The following RBMS2 variants were observed in gnomAD, a reference collection of about 807,000 sequenced individuals.
RBMS2 encodes the protein RNA binding motif single stranded interacting protein 2.
Under a neutral mutation model 58.4 loss-of-function variants are expected in RBMS2, and 38 were observed. The observed-to-expected ratio is 0.65, with a 90% confidence interval of 0.50 to 0.85. The LOEUF (loss-of-function observed/expected upper bound fraction) is 0.85, where lower values mean the gene tolerates loss of function less well. Ranked by LOEUF, RBMS2 falls within the 40% of genes least tolerant of loss-of-function variation. The pLI, the probability that RBMS2 is intolerant of heterozygous loss-of-function variation, is 0.00. For missense variants in RBMS2, 367 were observed against 503.7 expected, an observed-to-expected ratio of 0.73 and a Z score of 2.60; for synonymous variants, 151 against 180.7, an observed-to-expected ratio of 0.84 and a Z score of 1.32.
chr12:56,581,342 T>C, intron 6 of RBMS2, 57 bp from the exon 7 acceptor site: 4 of 1,596,870 alleles, frequency 2.5e-6, no homozygotes, highest in Non-Finnish European at 3.4e-6. Flanking sequence ...TTTGCATGAC[T>C]GTGCCTGGGC....
intron 1 of RBMS2, among the ~76,000 whole-genome samples, chr12:56,558,464 A>G (rs539163800): frequency 8.6e-5 from 13 of 150,840 alleles, no homozygotes; most frequent in South Asian, 8.4e-4. Context: ...ATGAACGCCA[A>G]CTGAGGCAGG....
intron 3 of RBMS2, 42 bp downstream of exon 3, chr12:56,569,075 G>A (rs747504245): frequency 3.9e-6 from 6 of 1,545,222 alleles, no homozygotes; most frequent in South Asian, 1.1e-5. Flanking sequence ...GCACCAGTAA[G>A]TGAGGCCATC....
chr12:56,527,715 T>C (rs1016786976), intron 1 of RBMS2: 1 of 152,108 alleles, frequency 6.6e-6, no homozygotes, highest in African/African-American at 2.4e-5. Flanking sequence ...ACACCTACTA[T>C]CTGTCTGGCC....
chr12:56,553,473 G>A (rs758811296), intron 1 of RBMS2, among the ~76,000 whole-genome samples: 11 of 151,730 alleles, frequency 7.2e-5, no homozygotes, highest in South Asian at 2.1e-4. Flanking sequence ...GATTATAGGC[G>A]CACACCACCA....
rs1555203718 is a variant in RBMS2 at position 56,595,916 on chromosome 12, C to G, written c.*6783C>G. 3 of 61,350 alleles carry G rather than the reference C, an allele frequency of 4.9e-5. No individual in the cohort carries two copies. The highest frequency in any genetic ancestry group is 1.1e-4 in the Non-Finnish European group (3 of 26,146). 3.8% of individuals were successfully genotyped at this position (61,350 alleles called of 1,614,324 possible). On this transcript the variant is annotated 3_prime_UTR_variant, in exon 14 of 14. Coordinates refer to ENST00000262031, the MANE Select transcript of RBMS2 (RefSeq NM_002898.4). ...GTGTGTAGAAGGGAAGATGAATACA[C>G]AGAGTCTTTTGAATCTCTATCAAAT...
At chr12:56,524,757 G>A (rs1043399776) in intron 1 of RBMS2, among the ~76,000 whole-genome samples, 8 of 145,686 alleles carry the variant, frequency 5.5e-5, no homozygotes, top group Non-Finnish European at 1.1e-4. Context: ...TTGCTCTGTC[G>A]CGCCCAGGCT....
chr12:56,527,211 C>T (rs1872809362), intron 1 of RBMS2, among the ~76,000 whole-genome samples: 1 of 152,122 alleles, frequency 6.6e-6, no homozygotes. Context: ...TTCTAGTTTC[C>T]ATCAAATCAA....
chr12:56,536,389 G>T (rs1874835433), intron 1 of RBMS2, among the ~76,000 whole-genome samples: 1 of 151,940 alleles, frequency 6.6e-6, no homozygotes, highest in Non-Finnish European at 1.5e-5. Flanking sequence ...CTCCCAAAGT[G>T]CTGGGATCAC....
At chr12:56,534,927 C>T (rs1018054003) in intron 1 of RBMS2, among the ~76,000 whole-genome samples, 2 of 152,216 alleles carry the variant, frequency 1.3e-5, no homozygotes, top group East Asian at 1.9e-4. Context: ...AGGCGTGAGA[C>T]ACGGCGCCCA....
chr12:56,581,942 G>A (rs1884013733), intron 8 of RBMS2, 63 bp downstream of exon 8: 1 of 1,584,356 alleles, frequency 6.3e-7, no homozygotes, highest in Non-Finnish European at 8.7e-7. Context: ...ACACTCAAAT[G>A]ATTCATCTTG....
intron 1 of RBMS2, among the ~76,000 whole-genome samples, chr12:56,538,574 C>G (rs934964700): frequency 1.3e-5 from 2 of 150,630 alleles, no homozygotes; most frequent in Non-Finnish European, 2.9e-5. Flanking sequence ...CCTCCGCCTC[C>G]CGGGTACAAG....
rs148230663 is a variant in RBMS2 at position 56,576,603 on chromosome 12, A to G, written c.543-4581A>G. 2.4e-3 allele frequency among the ~76,000 whole-genome samples: 365 copies of G among 151,906 alleles called. 3 individuals are homozygous for G. The highest frequency in any genetic ancestry group is 8.3e-3 in the African/African-American group (343 of 41,448). On this transcript the variant is annotated intron_variant, in intron 5 of 13. Coordinates refer to ENST00000262031, the MANE Select transcript of RBMS2 (RefSeq NM_002898.4). Reference sequence around the variant, plus strand: ...TCTTATATTCCTTTTTTCTTCTTGAACTTGTGTTTCTATTCCATTTCTCTA... The same window carrying G: ...TCTTATATTCCTTTTTTCTTCTTGAGCTTGTGTTTCTATTCCATTTCTCTA...
At position 56,595,433 on chromosome 12, in the gene RBMS2, A is replaced by ACTT. The variant is rs200069820; in HGVS notation, c.*6306_*6308dup. 1 of 151,928 alleles carries ACTT rather than the reference A, an allele frequency of 6.6e-6. No individual in the cohort carries two copies. The highest frequency in any genetic ancestry group is 2.4e-5 in the African/African-American group (1 of 41,338). 9.4% of individuals were successfully genotyped at this position (151,928 alleles called of 1,614,324 possible). A position where few individuals can be genotyped will look rare whatever the true frequency, so the allele number is the denominator to read the frequency against. ...ATATTTTGCATATTTTTATCTGGAG[A>ACTT]CTTCTTCTAGTTTTATACTCTTCCC... On this transcript the variant is annotated 3_prime_UTR_variant, in exon 14 of 14. Transcript: ENST00000262031.
At chr12:56,541,806 T>C (rs1484427407) in intron 1 of RBMS2, among the ~76,000 whole-genome samples, 1 of 152,124 alleles carries the variant, frequency 6.6e-6, no homozygotes, top group Non-Finnish European at 1.5e-5. Flanking sequence ...GATCTCAAAA[T>C]AGGAAAGAAG....
At chr12:56,569,844 C>G (rs1260467214) in intron 3 of RBMS2, 55 bp from the exon 4 acceptor site, 1 of 1,433,194 alleles carries the variant, frequency 7.0e-7, no homozygotes, top group Non-Finnish European at 9.8e-7. Context: ...AAAGCCTGGA[C>G]CTCTCTGTTC....
intron 1 of RBMS2, among the ~76,000 whole-genome samples, chr12:56,558,812 T>C (rs917858042): frequency 6.6e-6 from 1 of 151,768 alleles, no homozygotes; most frequent in African/African-American, 2.4e-5. Flanking sequence ...GTTGCCCAGA[T>C]TGGTTTTGAA....
At chr12:56,560,392 G>T (rs749145119) in intron 1 of RBMS2, among the ~76,000 whole-genome samples, 1 of 151,816 alleles carries the variant, frequency 6.6e-6, no homozygotes. Context: ...GAGTAGCTGG[G>T]ACTACAGGTG....
At chr12:56,586,145 G>A (rs181784922) in intron 9 of RBMS2, among the ~76,000 whole-genome samples, 31 of 152,230 alleles carry the variant, frequency 2.0e-4, no homozygotes, top group African/African-American at 7.2e-4. Flanking sequence ...TGGCTAACAC[G>A]GTGAAACCCT....
rs1883926802 is a variant in RBMS2, at chr12:56,581,400, C to T, written c.624C>T (p.Ala208=). ...KYIKTPPGVP[A]PSDPLLCKFA... ...CCCATCTGCCTTCTCTCTCGGCAGC[C>T]CCATCCGATCCCTTGCTTTGCAAAT... The change falls in exon 7 of 14, where the codon GCC becomes GCT. Residue 208 remains alanine (A), a splice_region_variant and synonymous_variant. Coordinates refer to ENST00000262031, the MANE Select transcript of RBMS2 (RefSeq NM_002898.4). The T allele has an allele frequency of 6.2e-7, 1 of 1,614,122 alleles. No individual in the cohort carries two copies. The highest frequency in any genetic ancestry group is 8.5e-7 in the Non-Finnish European group (1 of 1,179,998).
Sources: gnomAD v4.1 joint callset for allele counts (sites outside exome capture counted in the v4.1 genomes callset) on GRCh38, gnomAD v4.1.1 for gene constraint, MANE v1.5 for transcripts, NCBI Gene and HGNC (gene_info 2026-07-23, HGNC 2026-07-21) for gene names.